Variants in GALNTL6 observed in about 807,000 individuals in gnomAD.
The protein encoded by GALNTL6 is polypeptide N-acetylgalactosaminyltransferase-like 6.
A neutral mutation model predicts 73.7 loss-of-function variants in GALNTL6; 46 were observed. The ratio of observed to expected loss-of-function variants is 0.62; its 90% CI spans 0.49 to 0.80. GALNTL6 has a LOEUF of 0.80. Ranked by LOEUF, GALNTL6 falls within the 30% of genes least tolerant of loss-of-function variation. The pLI is 0.00. For synonymous variants in GALNTL6, 259 were observed against 263.7 expected, an observed-to-expected ratio of 0.98 and a Z score of 0.17; for missense variants, 604 against 755.0, an observed-to-expected ratio of 0.80 and a Z score of 2.34.
chr4:171,940,962 G>A lies in GALNTL6; in HGVS notation c.138+126244G>A, dbSNP rs151327586. ...AGGTTTTAAAATAATGTGAAGAATC[G>A]AGAAAATTAGTGATTGATGGGAGTG... On this transcript the variant is annotated intron_variant, in intron 2 of 12. Coordinates refer to ENST00000506823, the MANE Select transcript of GALNTL6 (RefSeq NM_001034845.3). Among the ~76,000 whole-genome samples, 263 of 151,642 alleles carry A rather than the reference G, an allele frequency of 1.7e-3. 2 individuals carry two copies. Among genetic ancestry groups the A allele is most frequent in the Admixed American group, 0.012 (178 of 15,210 alleles).
At chr4:172,143,682 C>G (rs970449803) in intron 2 of GALNTL6, among the ~76,000 whole-genome samples, 1 of 152,048 alleles carries the variant, frequency 6.6e-6, no homozygotes, top group East Asian at 1.9e-4. Flanking sequence ...TAATTTACTG[C>G]CTGCCCCCCA....
intron 5 of GALNTL6, among the ~76,000 whole-genome samples, chr4:172,585,160 TTGGGGTTTTTAAA>T (rs1737353883): frequency 1.3e-5 from 2 of 152,174 alleles, no homozygotes; most frequent in South Asian, 4.1e-4. Context: ...GTGTTAAATC[TTGGGGTTTTTAAA>T]AATAAATGTA....
intron 5 of GALNTL6, among the ~76,000 whole-genome samples, chr4:172,621,894 A>G (rs1738975317): frequency 6.6e-6 from 1 of 152,122 alleles, no homozygotes. Flanking sequence ...TTAGAATTTA[A>G]GAATAATACC....
At chr4:172,884,357 TTC>T (rs1362595884) in intron 8 of GALNTL6, among the ~76,000 whole-genome samples, 3 of 152,216 alleles carry the variant, frequency 2.0e-5, no homozygotes, top group Admixed American at 6.5e-5. Flanking sequence ...TGATTTGCAT[TTC>T]TCTGATAACT....
At chr4:172,157,690 A>T (rs1221934565) in intron 2 of GALNTL6, among the ~76,000 whole-genome samples, 1 of 152,216 alleles carries the variant, frequency 6.6e-6, no homozygotes, top group Non-Finnish European at 1.5e-5. Flanking sequence ...TTTTATTACT[A>T]GGAACGATAT....
chr4:172,893,792 A>G (rs969822029), intron 8 of GALNTL6, among the ~76,000 whole-genome samples: 1 of 152,132 alleles, frequency 6.6e-6, no homozygotes, highest in African/African-American at 2.4e-5. Flanking sequence ...ACCTTCTGGG[A>G]TCCATGCAGG....
At chr4:171,977,199 A>G (rs76701199) in intron 2 of GALNTL6, among the ~76,000 whole-genome samples, 13,900 of 152,198 alleles carry the variant, frequency 0.091, 1,602 homozygotes, top group African/African-American at 0.27. Context: ...TCCAAATTTT[A>G]TGCTGTGACT....
At chr4:172,999,148 G>A (rs568804187) in intron 10 of GALNTL6, among the ~76,000 whole-genome samples, 10 of 152,204 alleles carry the variant, frequency 6.6e-5, no homozygotes, top group South Asian at 2.1e-4. Context: ...CTTTTCCCAC[G>A]CCAAGGTTGA....
Position 172,192,320 on chromosome 4 carries a change from T to A in GALNTL6, c.139-37336T>A, listed in dbSNP as rs115244434. The stretch of plus-strand genomic sequence containing the variant: ...GACTTTGACAGACAATGTAAAAAAA[T>A]TTTAAAGGCCTGAAGTCAATTACCA... On this transcript the variant is annotated intron_variant, in intron 2 of 12. Transcript: ENST00000506823. 7.8e-3 allele frequency among the ~76,000 whole-genome samples: 1,191 copies of A among 151,990 alleles called. 14 individuals are homozygous for A. Among genetic ancestry groups the A allele is most frequent in the African/African-American group, 0.027 (1,137 of 41,452 alleles).
intron 2 of GALNTL6, among the ~76,000 whole-genome samples, chr4:172,125,381 T>A (rs1478430946): frequency 1.3e-5 from 2 of 152,174 alleles, no homozygotes; most frequent in African/African-American, 2.4e-5. Flanking sequence ...AAATTTTTTT[T>A]AAACATATTT....
chr4:172,775,806 G>A (rs1739040958), intron 5 of GALNTL6, among the ~76,000 whole-genome samples: 1 of 152,162 alleles, frequency 6.6e-6, no homozygotes, highest in Admixed American at 6.5e-5. Context: ...TGATGGACTT[G>A]AGGGAGATTC....
At chr4:172,461,019 A>G (rs963616691) in intron 5 of GALNTL6, among the ~76,000 whole-genome samples, 2 of 152,198 alleles carry the variant, frequency 1.3e-5, no homozygotes, top group Non-Finnish European at 1.5e-5. Flanking sequence ...CATATATACC[A>G]TGGAATACTA....
intron 10 of GALNTL6, among the ~76,000 whole-genome samples, chr4:172,978,411 C>T (rs1443170206): frequency 2.0e-5 from 3 of 152,184 alleles, no homozygotes; most frequent in Admixed American, 2.0e-4. Flanking sequence ...ATCTCACTCA[C>T]AGGATACTAA....
At chr4:172,828,297 C>CA (rs1742389574) in intron 7 of GALNTL6, among the ~76,000 whole-genome samples, 2 of 145,934 alleles carry the variant, frequency 1.4e-5, no homozygotes, top group Non-Finnish European at 3.0e-5. Context: ...AAGAAACAAA[C>CA]AAAAAAAACA....
At chr4:172,029,060 G>A (rs1741682833) in intron 2 of GALNTL6, among the ~76,000 whole-genome samples, 1 of 151,860 alleles carries the variant, frequency 6.6e-6, no homozygotes, top group African/African-American at 2.4e-5. Flanking sequence ...TTGGCACAAT[G>A]GCTAGTGAAG....
chr4:172,818,751 A>G (rs1046426648), intron 7 of GALNTL6, among the ~76,000 whole-genome samples: 26 of 152,164 alleles, frequency 1.7e-4, no homozygotes, highest in African/African-American at 5.8e-4. Flanking sequence ...GGAGCACGCC[A>G]CCATGCCTGG....
At chr4:171,917,430 G>C (rs1434727460) in intron 2 of GALNTL6, among the ~76,000 whole-genome samples, 1 of 152,068 alleles carries the variant, frequency 6.6e-6, no homozygotes. Context: ...ATCTTAATAA[G>C]ACTAAGTAAA....
chr4:172,995,622 C>T (rs1188779051), intron 10 of GALNTL6, among the ~76,000 whole-genome samples: 4 of 152,184 alleles, frequency 2.6e-5, no homozygotes, highest in African/African-American at 4.8e-5. Flanking sequence ...TGAAGTCTCA[C>T]GGTGAAGTTT....
chr4:173,039,106 G>A lies in GALNTL6; in HGVS notation c.1639-827G>A, dbSNP rs116621156. ...CAGAGCTTGTTCAGATAATGAGCTTGCTCACTACTTAAACTTTCTGTCCTC... is the reference window on the plus strand; with the variant it reads ...CAGAGCTTGTTCAGATAATGAGCTTACTCACTACTTAAACTTTCTGTCCTC... On this transcript the variant is annotated intron_variant, in intron 12 of 12. Coordinates refer to ENST00000506823, the MANE Select transcript of GALNTL6 (RefSeq NM_001034845.3). Among the ~76,000 whole-genome samples the A allele has an allele frequency of 4.0e-3, 604 of 152,304 alleles. 2 individuals carry two copies. Among genetic ancestry groups the A allele is most frequent in the African/African-American group, 0.013 (538 of 41,558 alleles).
Sources: allele counts gnomAD v4.1 joint callset (sites outside exome capture counted in the v4.1 genomes callset), GRCh38; gene constraint gnomAD v4.1.1; transcripts MANE v1.5; gene names NCBI Gene and HGNC (gene_info 2026-07-23, HGNC 2026-07-21).